STIM2: variants seen among roughly 807,000 people sequenced by gnomAD.
STIM2 encodes the protein stromal interaction molecule 2.
A neutral mutation model predicts 85.8 loss-of-function variants in STIM2; 31 were observed. The ratio of observed to expected loss-of-function variants is 0.36; its 90% CI spans 0.27 to 0.49. The LOEUF (loss-of-function observed/expected upper bound fraction) is 0.49, where lower values mean the gene tolerates loss of function less well. Ranked by LOEUF, STIM2 falls within the 20% of genes least tolerant of loss-of-function variation. The pLI is 0.98. For synonymous variants in STIM2, 356 were observed against 331.1 expected, an observed-to-expected ratio of 1.08 and a Z score of -0.82; for missense variants, 841 against 927.6, an observed-to-expected ratio of 0.91 and a Z score of 1.21.
intron 3 of STIM2, among the ~76,000 whole-genome samples, chr4:26,980,314 A>G (rs1415286077): frequency 1.3e-5 from 2 of 152,234 alleles, no homozygotes; most frequent in African/African-American, 4.8e-5. Flanking sequence ...TTTTGTTTGC[A>G]TATCACATCA....
At chr4:26,909,152 A>G (rs1724238888) in intron 1 of STIM2, among the ~76,000 whole-genome samples, 1 of 152,236 alleles carries the variant, frequency 6.6e-6, no homozygotes, top group African/African-American at 2.4e-5. Flanking sequence ...CTTAGATTTC[A>G]GGAGACTTAG....
intron 3 of STIM2, among the ~76,000 whole-genome samples, chr4:26,985,656 A>G (rs1348963648): frequency 6.6e-6 from 1 of 152,200 alleles, no homozygotes; most frequent in East Asian, 1.9e-4. Context: ...AGAAGGCAGT[A>G]TATGTTTGTA....
chr4:26,884,992 A>G (rs1475437889), intron 1 of STIM2, among the ~76,000 whole-genome samples: 1 of 152,212 alleles, frequency 6.6e-6, no homozygotes, highest in Non-Finnish European at 1.5e-5. Flanking sequence ...CTTTATTTCA[A>G]ACATTTTGGA....
intron 2 of STIM2, among the ~76,000 whole-genome samples, chr4:26,928,979 G>C (rs1259748293): frequency 6.6e-6 from 1 of 152,128 alleles, no homozygotes; most frequent in African/African-American, 2.4e-5. Context: ...CTAAAAGAAT[G>C]TAGAAATCCA....
rs77993347 is a variant in STIM2 at position 26,871,298 on chromosome 4, A to G, written c.151+9929A>G. Among the ~76,000 whole-genome samples, 315 of 152,300 alleles carry G rather than the reference A, an allele frequency of 2.1e-3. 4 individuals are homozygous for G. The highest frequency in any genetic ancestry group is 0.018 in the Admixed American group (278 of 15,298). On this transcript the variant is annotated intron_variant, in intron 1 of 11. Coordinates refer to ENST00000467087, the MANE Select transcript of STIM2 (RefSeq NM_020860.4). ...TTTAAAAAACCCCCCTGTGCCAAGGATCTTTATGTTAAAGCATAAGGTATA... is the reference window on the plus strand; with the variant it reads ...TTTAAAAAACCCCCCTGTGCCAAGGGTCTTTATGTTAAAGCATAAGGTATA...
At chr4:26,921,706 C>T (rs997814719) in intron 2 of STIM2, among the ~76,000 whole-genome samples, 4 of 152,168 alleles carry the variant, frequency 2.6e-5, no homozygotes, top group Non-Finnish European at 4.4e-5. Flanking sequence ...CTGTTCTAAT[C>T]TAGGTATTTA....
intron 2 of STIM2, among the ~76,000 whole-genome samples, chr4:26,943,641 A>C (rs761046402): frequency 6.6e-6 from 1 of 152,096 alleles, no homozygotes; most frequent in Non-Finnish European, 1.5e-5. Flanking sequence ...AGTATCTGAT[A>C]GACCCCAATC....
chr4:27,019,728 A>G (rs1728852561), intron 11 of STIM2: 2 of 340,100 alleles, frequency 5.9e-6, no homozygotes, highest in Non-Finnish European at 5.8e-6. Context: ...GGAATGTTCT[A>G]TGCCTTATGC....
At chr4:26,918,065 T>C (rs1031035073) in intron 1 of STIM2, among the ~76,000 whole-genome samples, 1 of 152,140 alleles carries the variant, frequency 6.6e-6, no homozygotes, top group Non-Finnish European at 1.5e-5. Flanking sequence ...ACAGAACTTA[T>C]AATTGCATTT....
chr4:26,957,297 A>T (rs1199305352), intron 2 of STIM2, among the ~76,000 whole-genome samples: 1 of 152,148 alleles, frequency 6.6e-6, no homozygotes, highest in Non-Finnish European at 1.5e-5. Context: ...ACGAATACTG[A>T]ACCCACAGAT....
Position 27,008,494 on chromosome 4 carries a change from C to T in STIM2, c.1216C>T (p.Leu406=). The T allele has an allele frequency of 1.9e-6, 3 of 1,602,492 alleles. No homozygotes were observed. Among genetic ancestry groups the T allele is most frequent in the Non-Finnish European group, 1.7e-6 (2 of 1,175,296 alleles). The change falls in exon 9 of 12, where the codon CTA becomes TTA. Residue 406 remains leucine (L), a synonymous_variant. Transcript: ENST00000467087. ...TCTGCACGTTGCACACAGCTCCTCC[C>T]TAGATGAGGTAGACCACAAAATTCT...
intron 2 of STIM2, among the ~76,000 whole-genome samples, chr4:26,954,534 AAAG>A (rs1323933778): frequency 2.7e-5 from 4 of 148,734 alleles, no homozygotes; most frequent in Non-Finnish European, 4.5e-5. Context: ...AAATGAATAC[AAAG>A]AAGAAGTATT....
intron 10 of STIM2, among the ~76,000 whole-genome samples, chr4:27,016,339 C>G (rs539207857): frequency 3.0e-4 from 45 of 152,222 alleles, no homozygotes; most frequent in African/African-American, 1.0e-3. Flanking sequence ...TTTCTCTCTC[C>G]TGTTTTATAA....
intron 1 of STIM2, among the ~76,000 whole-genome samples, chr4:26,871,704 CT>C (rs35869869): frequency 0.038 from 4,867 of 129,428 alleles, 179 homozygotes; most frequent in African/African-American, 0.11. Flanking sequence ...TGTTTTCACC[CT>C]TTTTTTTTTT....
chr4:26,992,303 G>T (rs1466721666), intron 3 of STIM2, among the ~76,000 whole-genome samples: 1 of 152,002 alleles, frequency 6.6e-6, no homozygotes. Context: ...CAAGTGCTAG[G>T]GTTAGAGTGA....
chr4:26,908,229 A>G (rs189543763), intron 1 of STIM2, among the ~76,000 whole-genome samples: 15 of 152,316 alleles, frequency 9.8e-5, no homozygotes, highest in Middle Eastern at 3.4e-3. Context: ...TACTTTCAGA[A>G]TATTCTCTTT....
chr4:26,873,912 CA>C (rs1391077698), intron 1 of STIM2: 28 of 1,378,554 alleles, frequency 2.0e-5, no homozygotes, highest in Non-Finnish European at 2.6e-5. Flanking sequence ...GCTGAGTGGA[CA>C]GGGGCGCCTC....
At chr4:26,945,694 T>C (rs779051343) in intron 2 of STIM2, among the ~76,000 whole-genome samples, 6 of 152,256 alleles carry the variant, frequency 3.9e-5, no homozygotes, top group Admixed American at 6.5e-5. Flanking sequence ...ATTTCTCTTA[T>C]GATCAGTGAT....
chr4:26,872,252 C>A (rs1407863269), intron 1 of STIM2, among the ~76,000 whole-genome samples: 1 of 152,026 alleles, frequency 6.6e-6, no homozygotes, highest in African/African-American at 2.4e-5. Context: ...AGTTAAAACT[C>A]TGTAGAAATA....
Sources: gnomAD v4.1 joint callset for allele counts (sites outside exome capture counted in the v4.1 genomes callset) on GRCh38, gnomAD v4.1.1 for gene constraint, MANE v1.5 for transcripts, NCBI Gene and HGNC (gene_info 2026-07-23, HGNC 2026-07-21) for gene names.